The following CEP112 variants were observed in gnomAD, a reference collection of about 807,000 sequenced individuals.
CEP112 encodes the protein centrosomal protein of 112 kDa.
Under a neutral mutation model 153.0 loss-of-function variants are expected in CEP112, and 127 were observed. The ratio of observed to expected loss-of-function variants is 0.83; its 90% CI spans 0.72 to 0.96. The LOEUF (loss-of-function observed/expected upper bound fraction) is 0.96. Among genes scored for constraint, CEP112 ranks in the 40% least tolerant of loss-of-function variants. The pLI, the probability that CEP112 is intolerant of heterozygous loss-of-function variation, is 0.00. For missense variants in CEP112, 1,089 were observed against 1,101.2 expected (o/e 0.99, Z 0.16); for synonymous variants, 358 against 374.4 (o/e 0.96, Z 0.51).
intron 10 of CEP112, among the ~76,000 whole-genome samples, chr17:66,066,202 T>A (rs2067111773): frequency 6.6e-6 from 1 of 152,212 alleles, no homozygotes; most frequent in South Asian, 2.1e-4. Flanking sequence ...GGTTACCTCC[T>A]CATGCCGGAC....
At chr17:66,051,146 A>AT (rs55855547) in intron 12 of CEP112, among the ~76,000 whole-genome samples, 80,974 of 145,006 alleles carry the variant, frequency 0.56, 23,565 homozygotes, top group African/African-American at 0.66. Flanking sequence ...GGCCTAGCTA[A>AT]TTTTTTTTTT....
chr17:65,821,534 ATATATATTTTTTTTT>A (rs1314756917), intron 21 of CEP112, among the ~76,000 whole-genome samples: 2 of 32,694 alleles, frequency 6.1e-5, no homozygotes, highest in African/African-American at 1.3e-4. Context: ...ATATATATAT[ATATATATTTTTTTTT>A]TTTTTTTTTT....
At chr17:65,671,376 C>T (rs1033722395) in intron 24 of CEP112, among the ~76,000 whole-genome samples, 2 of 152,130 alleles carry the variant, frequency 1.3e-5, no homozygotes, top group African/African-American at 2.4e-5. Context: ...TACGGGAGCC[C>T]ATGATGAGTG....
intron 20 of CEP112, among the ~76,000 whole-genome samples, chr17:65,873,956 G>C (rs988084170): frequency 6.6e-6 from 1 of 152,132 alleles, no homozygotes; most frequent in African/African-American, 2.4e-5. Flanking sequence ...ATATAATAAA[G>C]TAGATGCTGT....
chr17:65,818,187 A>G (rs1323342607), intron 21 of CEP112, among the ~76,000 whole-genome samples: 2 of 151,814 alleles, frequency 1.3e-5, no homozygotes, highest in Non-Finnish European at 3.0e-5. Context: ...CAGTGAAGGA[A>G]GTAATTACAC....
chr17:66,158,871 T>C (rs940935293), intron 4 of CEP112, among the ~76,000 whole-genome samples: 66 of 150,406 alleles, frequency 4.4e-4, no homozygotes, highest in African/African-American at 1.6e-3. Context: ...CTGAAGGAGA[T>C]AGAGACATAA....
intron 6 of CEP112, among the ~76,000 whole-genome samples, chr17:66,099,010 A>T (rs1278764789): frequency 6.6e-6 from 1 of 152,164 alleles, no homozygotes; most frequent in African/African-American, 2.4e-5. Flanking sequence ...AAAAAAACTT[A>T]ATGGCTCAGA....
chr17:66,178,024 G>A (rs1402895057), intron 2 of CEP112, among the ~76,000 whole-genome samples: 2 of 152,164 alleles, frequency 1.3e-5, no homozygotes, highest in African/African-American at 2.4e-5. Flanking sequence ...CCACAAACAT[G>A]GGAGTGCAGA....
intron 20 of CEP112, among the ~76,000 whole-genome samples, chr17:65,888,235 C>T (rs2059350765): frequency 6.6e-6 from 1 of 152,168 alleles, no homozygotes; most frequent in Non-Finnish European, 1.5e-5. Flanking sequence ...CAATGTTGTT[C>T]AGATCTTCCC....
At chr17:65,783,367 GA>G (rs1209676363) in intron 21 of CEP112, among the ~76,000 whole-genome samples, 13 of 152,144 alleles carry the variant, frequency 8.5e-5, no homozygotes, top group Non-Finnish European at 1.2e-4. Flanking sequence ...AGCTGTTGTA[GA>G]AAACAGTTTG....
At chr17:65,802,749 G>A (rs147018968) in intron 21 of CEP112, among the ~76,000 whole-genome samples, 3 of 152,100 alleles carry the variant, frequency 2.0e-5, no homozygotes, top group East Asian at 3.9e-4. Flanking sequence ...CTTATTCTAG[G>A]ACTCATCGTG....
chr17:65,714,574 T>G (rs572177219), intron 23 of CEP112, among the ~76,000 whole-genome samples: 8 of 152,312 alleles, frequency 5.3e-5, no homozygotes, highest in Non-Finnish European at 1.0e-4. Context: ...ATTACATGAC[T>G]TTGCCGTCTT....
intron 23 of CEP112, among the ~76,000 whole-genome samples, chr17:65,710,615 C>G (rs926648913): frequency 6.6e-6 from 1 of 152,168 alleles, no homozygotes; most frequent in Non-Finnish European, 1.5e-5. Flanking sequence ...TGTGCAGAAG[C>G]CTCATGTCAG....
intron 17 of CEP112, among the ~76,000 whole-genome samples, chr17:65,968,304 T>C (rs1451446766): frequency 6.6e-6 from 1 of 152,108 alleles, no homozygotes; most frequent in Non-Finnish European, 1.5e-5. Context: ...TTCAAAAACA[T>C]TATCCATGCC....
chr17:65,805,311 C>T lies in CEP112; in HGVS notation c.2394+46493G>A, dbSNP rs372540558. Among the ~76,000 whole-genome samples, 15 of 152,296 alleles carry T rather than the reference C, an allele frequency of 9.8e-5. No individual in the cohort carries two copies. In the East Asian group the frequency reaches 2.7e-3, roughly 27 times the overall value. On this transcript the variant is annotated intron_variant, in intron 21 of 26. Coordinates refer to ENST00000535342, the MANE Select transcript of CEP112 (RefSeq NM_001199165.4). ...AATGGTGTGTATTATTTAGGAGCTG[C>T]CCTTAGTCCCTTGCTCATGCTACTT... is the stretch of plus-strand genomic sequence containing the variant.
At chr17:65,721,246 G>C (rs1176014942) in intron 23 of CEP112, among the ~76,000 whole-genome samples, 2 of 152,148 alleles carry the variant, frequency 1.3e-5, no homozygotes, top group Non-Finnish European at 2.9e-5. Flanking sequence ...TCCTGATCTT[G>C]TGATCTGCCC....
intron 12 of CEP112, among the ~76,000 whole-genome samples, chr17:66,037,875 G>T (rs1405731758): frequency 6.6e-6 from 1 of 151,874 alleles, no homozygotes; most frequent in Non-Finnish European, 1.5e-5. Context: ...ATAACTCAAA[G>T]AATGTTATGT....
rs115931421 is a variant in CEP112, at chr17:66,097,477, G to A, written c.643-845C>T. Among the ~76,000 whole-genome samples, 464 of 152,230 alleles carry A rather than the reference G, an allele frequency of 3.0e-3. 2 individuals carry two copies. Among genetic ancestry groups the A allele is most frequent in the African/African-American group, 0.01 (433 of 41,524 alleles). ...CTCTATCCCTAGCACCCAACTCAGT[G>A]CCCAATTAATATTTCTTCAGAAAGA... On this transcript the variant is annotated intron_variant, in intron 6 of 26. Coordinates refer to ENST00000535342, the MANE Select transcript of CEP112 (RefSeq NM_001199165.4).
chr17:65,904,222 T>A (rs1454343998), intron 19 of CEP112, among the ~76,000 whole-genome samples: 1 of 152,114 alleles, frequency 6.6e-6, no homozygotes, highest in Non-Finnish European at 1.5e-5. Flanking sequence ...CAGCCCCAAA[T>A]CTCCTTAAGC....
Sources: gnomAD v4.1 joint callset for allele counts (sites outside exome capture counted in the v4.1 genomes callset) on GRCh38, gnomAD v4.1.1 for gene constraint, MANE v1.5 for transcripts, NCBI Gene and HGNC (gene_info 2026-07-23, HGNC 2026-07-21) for gene names.